Variants in RGS8 observed in about 807,000 individuals in gnomAD.
RGS8 encodes regulator of G-protein signaling 8.
In RGS8, 8 loss-of-function variants were observed where a neutral mutation model predicts 21.7. The observed-to-expected ratio is 0.37, with a 90% CI of 0.22 to 0.66. The LOEUF (loss-of-function observed/expected upper bound fraction) is 0.66. Ranked by LOEUF, RGS8 falls within the 30% of genes least tolerant of loss-of-function variation. The probability of loss-of-function intolerance (pLI) is 0.59; values close to 1 mark genes in which losing one functional copy is unlikely to be tolerated. For missense variants in RGS8, 157 were observed against 217.9 expected (o/e 0.72, Z 1.76); for synonymous variants, 80 against 83.6 (o/e 0.96, Z 0.24).
the RGS8 span, among the ~76,000 whole-genome samples, chr1:182,738,620 T>C: frequency 1.3e-5 from 2 of 152,218 alleles, no homozygotes; most frequent in South Asian, 4.1e-4. Context: ...GTACCCTTTA[T>C]GGCCAATCCT....
At chr1:182,722,846 C>T in the RGS8 span, among the ~76,000 whole-genome samples, 1 of 151,932 alleles carries the variant, frequency 6.6e-6, no homozygotes, top group African/African-American at 2.4e-5. Context: ...GGCTTGGTTG[C>T]GGGCGCCTGT....
chr1:182,666,565 T>C (rs1010276098), intron 4 of RGS8, among the ~76,000 whole-genome samples: 4 of 152,046 alleles, frequency 2.6e-5, no homozygotes, highest in African/African-American at 9.7e-5. Flanking sequence ...TATTTCCAAA[T>C]TGAGAGCTCA....
At chr1:182,652,788 G>A (rs1031632083) in intron 5 of RGS8, among the ~76,000 whole-genome samples, 1 of 152,178 alleles carries the variant, frequency 6.6e-6, no homozygotes, top group African/African-American at 2.4e-5. Flanking sequence ...TGCCTTTGCC[G>A]GCCCTGAGGA....
chr1:182,730,610 A>G, the RGS8 span, among the ~76,000 whole-genome samples: 1 of 151,964 alleles, frequency 6.6e-6, no homozygotes, highest in Admixed American at 6.6e-5. Context: ...CTTGGAAGCC[A>G]GAGGCCGAAG....
the RGS8 span, among the ~76,000 whole-genome samples, chr1:182,719,571 C>G: frequency 6.6e-6 from 1 of 150,888 alleles, no homozygotes; most frequent in Non-Finnish European, 1.5e-5. Flanking sequence ...GGTGCGACTA[C>G]AGGCGCATAC....
chr1:182,691,886 C>A, the RGS8 span, among the ~76,000 whole-genome samples: 1 of 151,964 alleles, frequency 6.6e-6, no homozygotes, highest in Non-Finnish European at 1.5e-5. Context: ...TCTTCACAGA[C>A]AATATAATAC....
At chr1:182,741,513 T>G in the RGS8 span, among the ~76,000 whole-genome samples, 1 of 124,142 alleles carries the variant, frequency 8.1e-6, no homozygotes, top group Non-Finnish European at 1.7e-5. Context: ...CCCCGCCACC[T>G]CCCTCCCGGA....
At chr1:182,665,914 T>A in intron 5 of RGS8, 55 bp downstream of exon 6, 2 of 1,485,218 alleles carry the variant, frequency 1.3e-6, no homozygotes, top group East Asian at 4.5e-5. Flanking sequence ...CTTTGGTACA[T>A]CTCTCACTAA....
upstream of RGS8, chr1:182,672,005 G>A (rs1557898651): frequency 1.9e-6 from 2 of 1,077,138 alleles, no homozygotes; most frequent in Admixed American, 3.5e-5. Flanking sequence ...GGATGCAGAA[G>A]GTGCCCCTGA....
chr1:182,728,687 A>C, the RGS8 span, among the ~76,000 whole-genome samples: 2 of 152,350 alleles, frequency 1.3e-5, no homozygotes, highest in South Asian at 4.1e-4. Context: ...AAGAACTAAC[A>C]ATAATTGCAT....
chr1:182,705,563 G>GC, the RGS8 span, among the ~76,000 whole-genome samples: 3 of 151,176 alleles, frequency 2.0e-5, no homozygotes, highest in African/African-American at 4.9e-5. Context: ...TCTAGAACAT[G>GC]CAGCATTGAT....
chr1:182,728,745 T>A, the RGS8 span, among the ~76,000 whole-genome samples: 3 of 152,222 alleles, frequency 2.0e-5, no homozygotes, highest in East Asian at 5.8e-4. Context: ...TACTCATATT[T>A]GATAGGAGAG....
the RGS8 span, among the ~76,000 whole-genome samples, chr1:182,696,999 T>C: frequency 2.0e-5 from 3 of 152,182 alleles, no homozygotes; most frequent in Admixed American, 6.5e-5. Flanking sequence ...CAAGGTTTTC[T>C]ATTTTTATGG....
chr1:182,746,839 A>C, the RGS8 span, among the ~76,000 whole-genome samples: 104 of 152,240 alleles, frequency 6.8e-4, no homozygotes, highest in African/African-American at 2.3e-3. Context: ...ATTTAAACAA[A>C]AGACAATGTC....
chr1:182,747,043 C>CTTTTTTTTTTTTTTTTTTTTTTTT, the RGS8 span, among the ~76,000 whole-genome samples: 64 of 21,050 alleles, frequency 3.0e-3, 21 homozygotes, highest in Non-Finnish European at 4.8e-3. Context: ...CACTGCTGGT[C>CTTTTTTTTTTTTTTTTTTTTTTTT]TTTTTTTTTT....
downstream of RGS8, chr1:182,642,789 C>T (rs549915744): frequency 4.6e-5 from 7 of 152,312 alleles, no homozygotes; most frequent in South Asian, 2.1e-4. Context: ...GCCCACCCAA[C>T]GTGGGACCAA....
chr1:182,662,701 A>G (rs558213503), intron 5 of RGS8, among the ~76,000 whole-genome samples: 1 of 152,308 alleles, frequency 6.6e-6, no homozygotes, highest in South Asian at 2.1e-4. Flanking sequence ...TGGAATCTTG[A>G]GGCCACCCAG....
the RGS8 span, among the ~76,000 whole-genome samples, chr1:182,728,306 A>G: frequency 6.6e-6 from 1 of 152,232 alleles, no homozygotes; most frequent in Non-Finnish European, 1.5e-5. Context: ...ATGTGGTCTA[A>G]AAAATAAAGA....
At chr1:182,745,490 G>A in the RGS8 span, among the ~76,000 whole-genome samples, 1 of 152,212 alleles carries the variant, frequency 6.6e-6, no homozygotes, top group Admixed American at 6.5e-5. Flanking sequence ...AACTTTGGTA[G>A]ATGTAATTCC....
Sources: allele counts gnomAD v4.1 joint callset (sites outside exome capture counted in the v4.1 genomes callset), GRCh38; gene constraint gnomAD v4.1.1; transcripts MANE v1.5; gene names NCBI Gene and HGNC (gene_info 2026-07-23, HGNC 2026-07-21).